The following GALNT2 variants were observed in gnomAD, a reference collection of about 807,000 sequenced individuals.
GALNT2 encodes UDP-GalNAc:polypeptide N-acetylgalactosaminyltransferase 2.
A neutral mutation model predicts 81.4 loss-of-function variants in GALNT2; 31 were observed. The observed-to-expected ratio is 0.38, with a 90% confidence interval of 0.29 to 0.51. The LOEUF is 0.51. GALNT2 is among the 20% of genes least tolerant of loss of function. The pLI is 0.87. For synonymous variants in GALNT2, 303 were observed against 287.4 expected, an observed-to-expected ratio of 1.05 and a Z score of -0.55; for missense variants, 629 against 765.7, an observed-to-expected ratio of 0.82 and a Z score of 2.11.
intron 1 of GALNT2, among the ~76,000 whole-genome samples, chr1:230,080,008 G>A (rs983273338): frequency 2.0e-5 from 3 of 152,166 alleles, no homozygotes; most frequent in African/African-American, 7.2e-5. Flanking sequence ...AAGGGATAGA[G>A]GTAAAGTTTC....
intron 3 of GALNT2, among the ~76,000 whole-genome samples, chr1:230,223,158 A>G (rs1280225653): frequency 6.6e-6 from 1 of 151,104 alleles, no homozygotes; most frequent in Non-Finnish European, 1.5e-5. Flanking sequence ...CCTTATTGAC[A>G]TAAAATTACC....
At chr1:230,223,849 C>T (rs1052984370) in intron 3 of GALNT2, among the ~76,000 whole-genome samples, 1 of 152,184 alleles carries the variant, frequency 6.6e-6, no homozygotes, top group Non-Finnish European at 1.5e-5. Context: ...TAAAATGTCA[C>T]CCTCCACAGA....
At chr1:230,138,759 A>G (rs1159164830) in intron 1 of GALNT2, among the ~76,000 whole-genome samples, 1 of 152,200 alleles carries the variant, frequency 6.6e-6, no homozygotes, top group Non-Finnish European at 1.5e-5. Flanking sequence ...TGGCATTTGT[A>G]AACTGTCATG....
chr1:230,220,329 G>A (rs895216773), intron 3 of GALNT2, among the ~76,000 whole-genome samples: 1 of 151,444 alleles, frequency 6.6e-6, no homozygotes, highest in Non-Finnish European at 1.5e-5. Flanking sequence ...ATGGACCCTC[G>A]CTAGGTAAAT....
chr1:230,262,759 C>T (rs969175653), intron 12 of GALNT2, 94 bp downstream of exon 12: 11 of 1,371,744 alleles, frequency 8.0e-6, no homozygotes, highest in African/African-American at 5.7e-5. Context: ...AATTCAGCTA[C>T]CCAGGTGCCA....
intron 1 of GALNT2, among the ~76,000 whole-genome samples, chr1:230,173,072 A>G (rs1360691832): frequency 6.6e-6 from 1 of 152,190 alleles, no homozygotes; most frequent in Non-Finnish European, 1.5e-5. Flanking sequence ...TTTAGGATAC[A>G]TAATTTTGAA....
At chr1:230,168,360 T>C (rs1458336717) in intron 1 of GALNT2, among the ~76,000 whole-genome samples, 2 of 152,214 alleles carry the variant, frequency 1.3e-5, no homozygotes, top group Admixed American at 1.3e-4. Context: ...TGTGCTCGCT[T>C]TCTCTGGGCT....
rs1311968014 is a variant in GALNT2 at position 230,275,557 on chromosome 1, CAT to C, written c.1560+1001_1560+1002del. ...CATAGATATACATATATAAACGCCA[CAT>C]ATATATACATATAAACACACCATAT... On this transcript the variant is annotated intron_variant, in intron 15 of 15. Coordinates refer to ENST00000366672, the MANE Select transcript of GALNT2 (RefSeq NM_004481.5). This position sits in a 1 kb window ranked among gnomAD's most constrained non-coding sequence, Gnocchi z 5.5. 6.6e-6 allele frequency among the ~76,000 whole-genome samples: 1 copy of C among 151,020 alleles called. No homozygotes were observed. The highest frequency in any genetic ancestry group is 1.9e-4 in the East Asian group (1 of 5,174).
At position 230,136,416 on chromosome 1, in the gene GALNT2, A is replaced by G. The variant is rs547701137; in HGVS notation, c.127-41802A>G. On this transcript the variant is annotated intron_variant, in intron 1 of 15. Transcript: ENST00000366672. The stretch of plus-strand genomic sequence containing the variant: ...CTGGTGGCCTGAGTTGTTGAATTGT[A>G]CTCTTTAGACATCGAACCTAATGTT... Among the ~76,000 whole-genome samples the G allele has an allele frequency of 3.9e-5, 6 of 151,966 alleles. No homozygotes were observed. In the East Asian group the frequency reaches 1.2e-3, roughly 29 times the overall value.
chr1:230,129,052 C>T (rs887926723), intron 1 of GALNT2, among the ~76,000 whole-genome samples: 3 of 152,344 alleles, frequency 2.0e-5, no homozygotes, highest in East Asian at 1.9e-4. Flanking sequence ...CAAATGCCGC[C>T]GCTAGCGACG....
At chr1:230,185,902 A>T (rs1314188378) in intron 2 of GALNT2, among the ~76,000 whole-genome samples, 1 of 151,976 alleles carries the variant, frequency 6.6e-6, no homozygotes, top group African/African-American at 2.4e-5. Context: ...AGGTTTTCCT[A>T]CCCCCGTAGT....
At position 230,246,121 on chromosome 1, in the gene GALNT2, A is replaced by G; in HGVS notation, c.788A>G (p.Tyr263Cys). The G allele has an allele frequency of 1.2e-6, 2 of 1,614,124 alleles. No homozygotes were observed. The highest frequency in any genetic ancestry group is 8.5e-7 in the Non-Finnish European group (1 of 1,179,998). Residue 263 changes from tyrosine (Y) to cysteine (C), a missense_variant, in exon 8 of 16, where the codon TAT (tyrosine) becomes TGT (cysteine). Tyr to Cys is a radical substitution (Grantham distance 194, BLOSUM62 -2). Coordinates refer to ENST00000366672, the MANE Select transcript of GALNT2 (RefSeq NM_004481.5). Reference sequence around the variant, plus strand: ...GTCATTAATATGGACAACTTTCAGTATGTGGGGGCATCTGCTGACTTGAAG... The same window carrying G: ...GTCATTAATATGGACAACTTTCAGTGTGTGGGGGCATCTGCTGACTTGAAG... ...IDVINMDNFQ[Y>C]VGASADLKGG...
upstream of GALNT2, among the ~76,000 whole-genome samples, chr1:230,065,613 G>C (rs757687239): frequency 6.6e-6 from 1 of 152,254 alleles, no homozygotes; most frequent in African/African-American, 2.4e-5. Flanking sequence ...AAATGCAGTT[G>C]ATTTGATGTT....
rs528571414 is a variant in GALNT2 at position 230,067,615 on chromosome 1, C to T, written c.126+209C>T. Among the ~76,000 whole-genome samples, 676 of 152,174 alleles carry T rather than the reference C, an allele frequency of 4.4e-3. 6 individuals are homozygous for T. Among genetic ancestry groups the T allele is most frequent in the South Asian group, 0.028 (137 of 4,820 alleles). On this transcript the variant is annotated intron_variant, in intron 1 of 15. Coordinates refer to ENST00000366672, the MANE Select transcript of GALNT2 (RefSeq NM_004481.5). ...ACGCCGGGCTCCGAAAGGGCGGCCC[C>T]CGCAGCCTTTCTCTGCCCCCTCTCG...
intron 1 of GALNT2, among the ~76,000 whole-genome samples, chr1:230,158,293 T>C (rs1359294544): frequency 3.3e-5 from 5 of 152,214 alleles, no homozygotes; most frequent in Non-Finnish European, 5.9e-5. Flanking sequence ...AGTTCTCTAG[T>C]CTGTAGATAA....
intron 1 of GALNT2, among the ~76,000 whole-genome samples, chr1:230,081,042 C>G (rs939498732): frequency 1.3e-5 from 2 of 152,216 alleles, no homozygotes; most frequent in Admixed American, 1.3e-4. Context: ...AGCCAGCCTC[C>G]TCTGCCAGGT....
intron 1 of GALNT2, among the ~76,000 whole-genome samples, chr1:230,079,238 C>T (rs1362822168): frequency 6.6e-6 from 1 of 152,234 alleles, no homozygotes; most frequent in Non-Finnish European, 1.5e-5. Flanking sequence ...AATTATGATA[C>T]TGCGTATCTT....
At chr1:230,269,146 CT>C (rs546120149) in intron 14 of GALNT2, among the ~76,000 whole-genome samples, 64 of 118,276 alleles carry the variant, frequency 5.4e-4, no homozygotes, top group East Asian at 9.4e-4. Context: ...TTTTTTTTTT[CT>C]TTTTTTTTTT....
chr1:230,167,416 G>A (rs946813697), intron 1 of GALNT2, among the ~76,000 whole-genome samples: 1 of 152,160 alleles, frequency 6.6e-6, no homozygotes, highest in Non-Finnish European at 1.5e-5. Flanking sequence ...CAAAGTGCTA[G>A]GATTACAGTC....
Sources: allele counts gnomAD v4.1 joint callset (sites outside exome capture counted in the v4.1 genomes callset), GRCh38; gene constraint gnomAD v4.1.1; non-coding constraint Gnocchi (gnomAD v3.1); transcripts MANE v1.5; gene names NCBI Gene and HGNC (gene_info 2026-07-23, HGNC 2026-07-21).